The following KCNH8 variants were observed in gnomAD, a reference collection of about 807,000 sequenced individuals.
The protein encoded by KCNH8 is potassium voltage-gated channel subfamily H member 8, also known as voltage-gated delayed rectifier potassium channel KCNH8.
In KCNH8, 70 loss-of-function variants were observed where a neutral mutation model predicts 103.6. The observed-to-expected ratio is 0.68, with a 90% CI of 0.56 to 0.82. KCNH8 has a LOEUF of 0.82. Ranked by LOEUF, KCNH8 falls within the 40% of genes least tolerant of loss-of-function variation. The pLI, the probability that KCNH8 is intolerant of heterozygous loss-of-function variation, is 0.00. For missense variants in KCNH8, 1,217 were observed against 1,329.9 expected (o/e 0.92, Z 1.32); for synonymous variants, 498 against 489.4 (o/e 1.02, Z -0.23).
At chr3:19,442,431 T>G (rs1388618229) in intron 8 of KCNH8, among the ~76,000 whole-genome samples, 1 of 152,228 alleles carries the variant, frequency 6.6e-6, no homozygotes, top group Non-Finnish European at 1.5e-5. Context: ...ATTGATCCAC[T>G]TACTGTATTG....
Position 19,428,556 on chromosome 3 carries a change from A to T in KCNH8, c.1178-9608A>T, listed in dbSNP as rs535500480. ...AAAAAAACAGCACCAGCAATAGTAA[A>T]AGCCTTATATTGAATGCTTGCTACA... On this transcript the variant is annotated intron_variant, in intron 7 of 15. Transcript: ENST00000328405. 3.3e-5 allele frequency among the ~76,000 whole-genome samples: 5 copies of T among 152,336 alleles called. No homozygotes were observed. In the South Asian group the frequency reaches 1.0e-3, roughly 32 times the overall value.
intron 8 of KCNH8, among the ~76,000 whole-genome samples, chr3:19,447,784 T>A (rs1338904548): frequency 1.3e-5 from 2 of 152,114 alleles, no homozygotes; most frequent in South Asian, 2.1e-4. Context: ...TACAGAAGAA[T>A]GAACCTCTAT....
chr3:19,303,716 C>T (rs1361898394), intron 3 of KCNH8, among the ~76,000 whole-genome samples: 1 of 151,890 alleles, frequency 6.6e-6, no homozygotes, highest in Non-Finnish European at 1.5e-5. Context: ...GATATAGTCA[C>T]AAAAAAAGCC....
intron 15 of KCNH8, among the ~76,000 whole-genome samples, chr3:19,530,701 GCTACCTTT>G (rs1451462194): frequency 6.6e-6 from 1 of 152,078 alleles, no homozygotes; most frequent in African/African-American, 2.4e-5. Context: ...TACTCATGAG[GCTACCTTT>G]CTGTGTCATT....
chr3:19,151,827 C>T (rs950370747), intron 1 of KCNH8, among the ~76,000 whole-genome samples: 15 of 151,576 alleles, frequency 9.9e-5, no homozygotes, highest in African/African-American at 3.1e-4. Flanking sequence ...TTCTGATATG[C>T]AATATAATTT....
chr3:19,222,272 T>A (rs1374644527), intron 1 of KCNH8, among the ~76,000 whole-genome samples: 1 of 152,218 alleles, frequency 6.6e-6, no homozygotes, highest in Non-Finnish European at 1.5e-5. Flanking sequence ...TATGCCCTTC[T>A]ACATAAAACA....
intron 1 of KCNH8, among the ~76,000 whole-genome samples, chr3:19,246,892 G>A (rs1159861028): frequency 6.6e-6 from 1 of 152,152 alleles, no homozygotes; most frequent in Non-Finnish European, 1.5e-5. Flanking sequence ...AGGTTGTGAA[G>A]GACATTTGTT....
At chr3:19,203,229 G>T (rs934985754) in intron 1 of KCNH8, among the ~76,000 whole-genome samples, 2 of 151,974 alleles carry the variant, frequency 1.3e-5, no homozygotes, top group Non-Finnish European at 2.9e-5. Flanking sequence ...TTGAGAAATG[G>T]GAAGGATGTT....
intron 3 of KCNH8, among the ~76,000 whole-genome samples, chr3:19,299,023 C>CT (rs936736535): frequency 1.7e-4 from 25 of 151,334 alleles, no homozygotes; most frequent in Admixed American, 1.4e-3. Context: ...GAGACAAAGC[C>CT]TATGTTTTGA....
At chr3:19,235,631 C>G (rs1194108556) in intron 1 of KCNH8, among the ~76,000 whole-genome samples, 1 of 152,124 alleles carries the variant, frequency 6.6e-6, no homozygotes, top group East Asian at 1.9e-4. Flanking sequence ...AACGATATAA[C>G]AATGATCATC....
At chr3:19,152,990 C>T (rs1013300358) in intron 1 of KCNH8, among the ~76,000 whole-genome samples, 17 of 151,592 alleles carry the variant, frequency 1.1e-4, no homozygotes, top group African/African-American at 3.9e-4. Context: ...GAAATACTTC[C>T]TCTACAGAGG....
chr3:19,407,796 A>G (rs1477645508), intron 7 of KCNH8, among the ~76,000 whole-genome samples: 1 of 152,114 alleles, frequency 6.6e-6, no homozygotes, highest in Non-Finnish European at 1.5e-5. Context: ...GAAGATCTCC[A>G]GGTATCTAGA....
intron 3 of KCNH8, among the ~76,000 whole-genome samples, chr3:19,319,800 A>T (rs1417697024): frequency 1.3e-5 from 2 of 152,102 alleles, no homozygotes; most frequent in Admixed American, 6.6e-5. Flanking sequence ...ATTCATGAGC[A>T]TGGGATATGT....
At chr3:19,289,874 A>G (rs1343264167) in intron 3 of KCNH8, among the ~76,000 whole-genome samples, 4 of 152,262 alleles carry the variant, frequency 2.6e-5, no homozygotes, top group African/African-American at 9.6e-5. Context: ...CTTCCTACCC[A>G]TGAGCATGGA....
chr3:19,401,731 A>G lies in KCNH8; in HGVS notation c.1177+6420A>G, dbSNP rs575652140. Among the ~76,000 whole-genome samples, 307 of 152,098 alleles carry G rather than the reference A, an allele frequency of 2.0e-3. 4 individuals are homozygous for G. Among genetic ancestry groups the G allele is most frequent in the African/African-American group, 7.1e-3 (294 of 41,538 alleles). Reference sequence around the variant, plus strand: ...TATAAAAATAGAGGAAGTAAAGTATATATAGCAATGTCCAATTATGAAGTT... The same window carrying G: ...TATAAAAATAGAGGAAGTAAAGTATGTATAGCAATGTCCAATTATGAAGTT... On this transcript the variant is annotated intron_variant, in intron 7 of 15. Transcript: ENST00000328405.
At position 19,232,941 on chromosome 3, in the gene KCNH8, G is replaced by A. The variant is rs545978508; in HGVS notation, c.77-20713G>A. Among the ~76,000 whole-genome samples the A allele has an allele frequency of 5.9e-5, 9 of 152,184 alleles. No homozygotes were observed. In the South Asian group the frequency reaches 1.2e-3, roughly 21 times the overall value. ...ATTGCTGATGTTTGACACATAAAAT[G>A]GCAATTTTCTATGATTCAACCTAAA... is the stretch of plus-strand genomic sequence containing the variant. On this transcript the variant is annotated intron_variant, in intron 1 of 15. Transcript: ENST00000328405.
intron 5 of KCNH8, among the ~76,000 whole-genome samples, chr3:19,373,867 C>T (rs1478448262): frequency 1.3e-5 from 2 of 152,152 alleles, no homozygotes; most frequent in South Asian, 4.2e-4. Flanking sequence ...TCGTTATGTA[C>T]CCATTAGTCA....
At chr3:19,255,616 C>T (rs1054752339) in intron 2 of KCNH8, among the ~76,000 whole-genome samples, 1 of 151,830 alleles carries the variant, frequency 6.6e-6, no homozygotes, top group African/African-American at 2.4e-5. Flanking sequence ...TGTAACAAAC[C>T]TGCACATCCT....
intron 9 of KCNH8, chr3:19,450,567 CTT>C (rs1321886738): frequency 8.7e-6 from 4 of 457,420 alleles, no homozygotes; most frequent in Non-Finnish European, 1.6e-5. Context: ...CTTATTGTCT[CTT>C]TTCAAAGGAA....
Sources: gnomAD v4.1 joint callset for allele counts (sites outside exome capture counted in the v4.1 genomes callset) on GRCh38, gnomAD v4.1.1 for gene constraint, MANE v1.5 for transcripts, NCBI Gene and HGNC (gene_info 2026-07-23, HGNC 2026-07-21) for gene names.